ARHGAP24: variants seen among roughly 807,000 people sequenced by gnomAD.
ARHGAP24 encodes Rho GTPase activating protein 24.
Under a neutral mutation model 76.4 loss-of-function variants are expected in ARHGAP24, and 50 were observed. The ratio of observed to expected loss-of-function variants is 0.65; its 90% CI spans 0.52 to 0.83. ARHGAP24 has a LOEUF of 0.83. ARHGAP24 is among the 40% of genes least tolerant of loss of function. ARHGAP24 has a pLI of 0.00. For synonymous variants in ARHGAP24, 345 were observed against 323.3 expected (o/e 1.07, Z -0.72); for missense variants, 930 against 914.2 (o/e 1.02, Z -0.22).
At chr4:85,763,400 AGGG>A (rs1560621219) in intron 3 of ARHGAP24, among the ~76,000 whole-genome samples, 2 of 152,146 alleles carry the variant, frequency 1.3e-5, no homozygotes, top group African/African-American at 4.8e-5. Flanking sequence ...GGCATCTTGC[AGGG>A]AAGCCATTAG....
At chr4:85,606,994 G>A (rs1476104145) in intron 2 of ARHGAP24, among the ~76,000 whole-genome samples, 1 of 152,194 alleles carries the variant, frequency 6.6e-6, no homozygotes, top group African/African-American at 2.4e-5. Context: ...TTCCTTCATG[G>A]ATTGCTAGAA....
At chr4:85,882,288 A>G (rs1407402395) in intron 3 of ARHGAP24, among the ~76,000 whole-genome samples, 1 of 152,162 alleles carries the variant, frequency 6.6e-6, no homozygotes, top group African/African-American at 2.4e-5. Flanking sequence ...ATTTGCAGAT[A>G]TTATCAGTAT....
At chr4:85,499,515 A>G (rs1449902812) in intron 1 of ARHGAP24, among the ~76,000 whole-genome samples, 3 of 152,196 alleles carry the variant, frequency 2.0e-5, no homozygotes, top group Non-Finnish European at 4.4e-5. Flanking sequence ...AGGTCTAAAT[A>G]TTTGAAGCTA....
At chr4:85,755,495 G>A (rs749350754) in intron 3 of ARHGAP24, among the ~76,000 whole-genome samples, 70 of 152,204 alleles carry the variant, frequency 4.6e-4, no homozygotes, top group Non-Finnish European at 7.6e-4. Context: ...AAATTCTTCA[G>A]TGACTGAAGA....
intron 3 of ARHGAP24, among the ~76,000 whole-genome samples, chr4:85,856,883 T>C (rs1731605902): frequency 6.6e-6 from 1 of 152,208 alleles, no homozygotes; most frequent in Admixed American, 6.5e-5. Context: ...CTACTTTTAG[T>C]AACACACATA....
At chr4:85,969,027 A>G (rs932003239) in intron 5 of ARHGAP24, among the ~76,000 whole-genome samples, 1 of 152,088 alleles carries the variant, frequency 6.6e-6, no homozygotes. Context: ...CACCTTTCTT[A>G]CCTTGATTCA....
chr4:85,772,362 G>C (rs775676708), intron 3 of ARHGAP24, among the ~76,000 whole-genome samples: 1 of 152,112 alleles, frequency 6.6e-6, no homozygotes, highest in African/African-American at 2.4e-5. Flanking sequence ...TCATCCACAG[G>C]GGGTATAAAA....
At chr4:85,737,562 A>T (rs1442722243) in intron 3 of ARHGAP24, among the ~76,000 whole-genome samples, 1 of 152,204 alleles carries the variant, frequency 6.6e-6, no homozygotes, top group African/African-American at 2.4e-5. Flanking sequence ...TATGATCTCC[A>T]TGCAAAGTGC....
intron 1 of ARHGAP24, among the ~76,000 whole-genome samples, chr4:85,513,421 C>T (rs1724360702): frequency 1.3e-5 from 2 of 152,148 alleles, no homozygotes; most frequent in Admixed American, 1.3e-4. Context: ...TACTCCATTA[C>T]CTGATTGTTA....
At chr4:85,817,023 G>A (rs943264339) in intron 3 of ARHGAP24, among the ~76,000 whole-genome samples, 10 of 152,106 alleles carry the variant, frequency 6.6e-5, no homozygotes, top group Non-Finnish European at 1.3e-4. Flanking sequence ...TATTAGTGAT[G>A]TTGAATATCT....
At chr4:85,726,156 T>G (rs896601867) in intron 3 of ARHGAP24, among the ~76,000 whole-genome samples, 1 of 151,836 alleles carries the variant, frequency 6.6e-6, no homozygotes, top group Non-Finnish European at 1.5e-5. Context: ...TTTCTCTCAG[T>G]AAACCTGGCA....
At chr4:85,502,176 T>A (rs1723846290) in intron 1 of ARHGAP24, among the ~76,000 whole-genome samples, 1 of 152,232 alleles carries the variant, frequency 6.6e-6, no homozygotes, top group South Asian at 2.1e-4. Context: ...AGCTTTGTTC[T>A]TTTTGCTTAG....
chr4:85,641,265 C>A (rs564322191), intron 2 of ARHGAP24, among the ~76,000 whole-genome samples: 1 of 152,270 alleles, frequency 6.6e-6, no homozygotes, highest in Admixed American at 6.5e-5. Flanking sequence ...TGGCCTGAAT[C>A]TTCCCCTTTT....
chr4:85,511,703 G>A (rs1947912), intron 1 of ARHGAP24, among the ~76,000 whole-genome samples: 100,921 of 151,974 alleles, frequency 0.66, 35,331 homozygotes, highest in East Asian at 0.9. Flanking sequence ...GACCTCAGGT[G>A]ATCCACCCGC....
intron 3 of ARHGAP24, among the ~76,000 whole-genome samples, chr4:85,863,562 G>C (rs1376289220): frequency 6.6e-6 from 1 of 152,024 alleles, no homozygotes; most frequent in Non-Finnish European, 1.5e-5. Flanking sequence ...AAATTAATGG[G>C]TGCCACTCTT....
intron 3 of ARHGAP24, among the ~76,000 whole-genome samples, chr4:85,921,546 TA>T (rs57403057): frequency 2.0e-4 from 30 of 151,426 alleles, no homozygotes; most frequent in South Asian, 6.3e-4. Context: ...AAAGTTTTTT[TA>T]AAAAAAAAGA....
At chr4:85,766,379 A>G (rs1346402463) in intron 3 of ARHGAP24, among the ~76,000 whole-genome samples, 1 of 152,130 alleles carries the variant, frequency 6.6e-6, no homozygotes, top group Non-Finnish European at 1.5e-5. Context: ...TTCAGCTGCC[A>G]TAGCATCTCT....
At chr4:85,715,380 T>G (rs1481377707) in intron 2 of ARHGAP24, among the ~76,000 whole-genome samples, 1 of 152,104 alleles carries the variant, frequency 6.6e-6, no homozygotes, top group Non-Finnish European at 1.5e-5. Flanking sequence ...CAAAATAGCT[T>G]AAAGGTCTGG....
intron 4 of ARHGAP24, among the ~76,000 whole-genome samples, chr4:85,929,315 T>A (rs1029798594): frequency 1.3e-5 from 2 of 152,238 alleles, no homozygotes; most frequent in Non-Finnish European, 2.9e-5. Flanking sequence ...ATTACCTACA[T>A]GGGCATGCTA....
Sources: allele counts gnomAD v4.1 joint callset (sites outside exome capture counted in the v4.1 genomes callset), GRCh38; gene constraint gnomAD v4.1.1; transcripts MANE v1.5; gene names NCBI Gene and HGNC (gene_info 2026-07-23, HGNC 2026-07-21).